Variants in EEIG2 observed in about 807,000 individuals in gnomAD.
EEIG2 encodes the protein family with sequence similarity 102 member B.
At chr1:108,583,610 TC>T in the EEIG2 span, among the ~76,000 whole-genome samples, 2 of 152,264 alleles carry the variant, frequency 1.3e-5, no homozygotes, top group Non-Finnish European at 2.9e-5. Context: ...TCCTACGTAT[TC>T]CCTTTATTGC....
the EEIG2 span, among the ~76,000 whole-genome samples, chr1:108,609,223 G>T: frequency 6.6e-6 from 1 of 152,186 alleles, no homozygotes; most frequent in African/African-American, 2.4e-5. Context: ...TGTATTAAGT[G>T]CCAGGCACTG....
At chr1:108,621,220 CAG>C in the EEIG2 span, among the ~76,000 whole-genome samples, 2 of 152,124 alleles carry the variant, frequency 1.3e-5, no homozygotes, top group African/African-American at 4.8e-5. Flanking sequence ...TAAGTGATTT[CAG>C]ATGAGATATA....
the EEIG2 span, among the ~76,000 whole-genome samples, chr1:108,573,423 C>A: frequency 6.6e-6 from 1 of 152,230 alleles, no homozygotes. Flanking sequence ...GCTACACAAC[C>A]CTTGAAAAAC....
the EEIG2 span, among the ~76,000 whole-genome samples, chr1:108,580,833 C>T: frequency 6.6e-5 from 10 of 152,136 alleles, no homozygotes; most frequent in African/African-American, 1.9e-4. Context: ...CAAGGTGAAG[C>T]GGCAAGTGCT....
At chr1:108,606,307 T>C in the EEIG2 span, 1 of 1,260,338 alleles carries the variant, frequency 7.9e-7, no homozygotes, top group South Asian at 1.6e-5. Flanking sequence ...TTATTGCTAT[T>C]TATAGGCTTA....
chr1:108,635,191 G>T, the EEIG2 span: 8 of 1,610,530 alleles, frequency 5.0e-6, no homozygotes, highest in Non-Finnish European at 5.1e-6. Flanking sequence ...GATTTAAGAT[G>T]TGAGTAGTTG....
chr1:108,584,424 A>T, the EEIG2 span, among the ~76,000 whole-genome samples: 1 of 152,184 alleles, frequency 6.6e-6, no homozygotes, highest in Non-Finnish European at 1.5e-5. Context: ...ATTGTGGCTT[A>T]AAAACTGGCT....
chr1:108,599,181 A>AC, the EEIG2 span, among the ~76,000 whole-genome samples: 1 of 150,970 alleles, frequency 6.6e-6, no homozygotes, highest in Admixed American at 6.6e-5. Context: ...AACAACAACA[A>AC]AAAAAAAACA....
the EEIG2 span, among the ~76,000 whole-genome samples, chr1:108,578,384 C>T: frequency 8.3e-6 from 1 of 120,038 alleles, no homozygotes; most frequent in East Asian, 2.2e-4. Flanking sequence ...TGCCAGTTTT[C>T]AAAGGGAATG....
chr1:108,585,309 C>A, the EEIG2 span, among the ~76,000 whole-genome samples: 2 of 152,232 alleles, frequency 1.3e-5, no homozygotes, highest in South Asian at 2.1e-4. Flanking sequence ...TCTGCTGGTA[C>A]TGTATTGCCT....
chr1:108,624,505 G>T, the EEIG2 span: 1 of 534,964 alleles, frequency 1.9e-6, no homozygotes, highest in South Asian at 4.2e-5. Flanking sequence ...TACGTTATTT[G>T]CTGATCTTTG....
At chr1:108,597,103 A>G in the EEIG2 span, among the ~76,000 whole-genome samples, 1 of 152,130 alleles carries the variant, frequency 6.6e-6, no homozygotes, top group African/African-American at 2.4e-5. Context: ...ATATTTAACT[A>G]TGAAGCACTA....
the EEIG2 span, among the ~76,000 whole-genome samples, chr1:108,589,491 T>A: frequency 6.6e-6 from 1 of 152,116 alleles, no homozygotes; most frequent in Non-Finnish European, 1.5e-5. Context: ...ATTGCTAAAT[T>A]TTTTTTAGCC....
the EEIG2 span, among the ~76,000 whole-genome samples, chr1:108,572,162 T>C: frequency 4.3e-4 from 65 of 152,322 alleles, no homozygotes; most frequent in African/African-American, 1.5e-3. Flanking sequence ...TTCTGAAAAT[T>C]ACCTATTTCT....
At chr1:108,589,071 G>A in the EEIG2 span, among the ~76,000 whole-genome samples, 20 of 152,158 alleles carry the variant, frequency 1.3e-4, no homozygotes, top group Non-Finnish European at 2.8e-4. Context: ...AAAGTTCCTT[G>A]CATTAGAGCT....
the EEIG2 span, chr1:108,606,087 G>A: frequency 2.1e-6 from 1 of 474,606 alleles, no homozygotes; most frequent in Non-Finnish European, 3.5e-6. Flanking sequence ...TAAATAGTTG[G>A]ATTTAAGATC....
the EEIG2 span, among the ~76,000 whole-genome samples, chr1:108,619,185 A>C: frequency 6.6e-6 from 1 of 152,186 alleles, no homozygotes; most frequent in Non-Finnish European, 1.5e-5. Context: ...AGATCATCTA[A>C]TGTTTTATAT....
At chr1:108,589,368 T>A in the EEIG2 span, among the ~76,000 whole-genome samples, 3 of 152,162 alleles carry the variant, frequency 2.0e-5, no homozygotes, top group Non-Finnish European at 2.9e-5. Context: ...CTCCACTTTA[T>A]TACTAAAATA....
the EEIG2 span, among the ~76,000 whole-genome samples, chr1:108,565,722 C>A: frequency 6.6e-6 from 1 of 152,168 alleles, no homozygotes; most frequent in African/African-American, 2.4e-5. Context: ...ATGAGCACAT[C>A]TATGTATTGG....
Sources: allele counts gnomAD v4.1 joint callset (sites outside exome capture counted in the v4.1 genomes callset), GRCh38; gene constraint gnomAD v4.1.1; transcripts MANE v1.5; gene names NCBI Gene and HGNC (gene_info 2026-07-23, HGNC 2026-07-21).